The following HHATL variants were observed in gnomAD, a reference collection of about 807,000 sequenced individuals.
HHATL encodes the protein protein-cysteine N-palmitoyltransferase HHAT-like protein.
Under a neutral mutation model 59.7 loss-of-function variants are expected in HHATL, and 49 were observed. The ratio of observed to expected loss-of-function variants is 0.82; its 90% CI spans 0.65 to 1.04. The LOEUF (loss-of-function observed/expected upper bound fraction) is 1.04, where lower values mean the gene tolerates loss of function less well. HHATL is among the 50% of genes least tolerant of loss of function. The pLI is 0.00. For missense variants in HHATL, 605 were observed against 650.8 expected, an observed-to-expected ratio of 0.93 and a Z score of 0.77; for synonymous variants, 238 against 257.3, an observed-to-expected ratio of 0.93 and a Z score of 0.72.
rs1441674848 is a variant in HHATL at position 42,696,980 on chromosome 3, C to T, written c.1010+21G>A. The T allele has an allele frequency of 1.2e-6, 2 of 1,611,282 alleles. 1 individual carries two copies. Among genetic ancestry groups the T allele is most frequent in the South Asian group, 2.2e-5 (2 of 90,646 alleles). ...GTGTGGTCCCAGGGGGTGAGCCTCC[C>T]CCGTCCTGGCCAGCACTCACGTTTC... On this transcript the variant is annotated intron_variant, in intron 8 of 11. Coordinates refer to ENST00000441594, the MANE Select transcript of HHATL (RefSeq NM_020707.4).
intron 7 of HHATL, 144 bp from the exon 8 acceptor site, chr3:42,697,289 C>G (rs769352808): frequency 1.3e-5 from 15 of 1,182,200 alleles, no homozygotes; most frequent in Non-Finnish European, 1.8e-5. Flanking sequence ...ATCAGTCATG[C>G]CTGGTGAAGT....
At position 42,698,150 on chromosome 3, in the gene HHATL, G is replaced by A. The variant is rs776663186; in HGVS notation, c.685C>T (p.His229Tyr). Residue 229 changes from histidine (H) to tyrosine (Y), a missense_variant, in exon 6 of 12, where the codon CAT becomes TAT. By Grantham distance (83) the His-to-Tyr change is moderately conservative. Coordinates refer to ENST00000441594, the MANE Select transcript of HHATL (RefSeq NM_020707.4). ...FGPIMTFDRF[H>Y]AQVSQVEPVR... is the part of the protein sequence containing the mutation. The stretch of plus-strand genomic sequence containing the variant: ...ACAGGGTGTCCCCTCACCTGAGCAT[G>A]GAAGCGATCAAAGGTCATGATGGGC... 32 of 1,614,006 alleles carry A rather than the reference G, an allele frequency of 2.0e-5. No homozygotes were observed. Among genetic ancestry groups the A allele is most frequent in the Non-Finnish European group, 2.6e-5 (31 of 1,179,968 alleles).
Position 42,698,763 on chromosome 3 carries a change from C to T in HHATL, c.428G>A (p.Gly143Asp). The change falls in exon 5 of 12, where the codon GGC (glycine) becomes GAC (aspartate). Residue 143 changes from glycine (G) to aspartate (D), a missense_variant. Gly to Asp is a moderately conservative substitution (Grantham distance 94). Coordinates refer to ENST00000441594, the MANE Select transcript of HHATL (RefSeq NM_020707.4). ...SLLGQPWLCL[G>D]LGLASLASFK... is the part of the protein sequence containing the mutation. ...GGAGGCCAGGCTGGCCAAGCCAAGG[C>T]CAAGACAGAGCCAGGGCTGGCCCAA... 6.2e-7 allele frequency: 1 copy of T among 1,608,418 alleles called. No homozygotes were observed. Among genetic ancestry groups the T allele is most frequent in the Non-Finnish European group, 8.5e-7 (1 of 1,177,948 alleles).
Position 42,698,749 on chromosome 3 carries a change from TGGCCAAGCCAA to T in HHATL, c.431_441del (p.Leu144GlnfsTer23). 1 of 1,598,842 alleles carries T rather than the reference TGGCCAAGCCAA, an allele frequency of 6.3e-7. No homozygotes were observed. The highest frequency in any genetic ancestry group is 8.5e-7 in the Non-Finnish European group (1 of 1,174,674). ...GGGTCCATCTTGAAGGAGGCCAGGC[TGGCCAAGCCAA>T]GGCCAAGACAGAGCCAGGGCTGGCC... On this transcript the variant is annotated frameshift_variant, in exon 5 of 12. Coordinates refer to ENST00000441594, the MANE Select transcript of HHATL (RefSeq NM_020707.4). LOFTEE classifies it high-confidence loss of function.
At chr3:42,693,508 G>A (rs1697446799) in intron 10 of HHATL, 109 bp downstream of exon 10, 3 of 975,570 alleles carry the variant, frequency 3.1e-6, no homozygotes, top group Non-Finnish European at 4.6e-6. Flanking sequence ...GGGTGGTGGT[G>A]AGAAAGTTCT....
At position 42,692,758 on chromosome 3, in the gene HHATL, G is replaced by C; in HGVS notation, c.1508C>G (p.Pro503Arg). 1 of 1,614,148 alleles carries C rather than the reference G, an allele frequency of 6.2e-7. No homozygotes were observed. The highest frequency in any genetic ancestry group is 1.1e-5 in the South Asian group (1 of 91,080). Residue 503 changes from proline (P) to arginine (R), a missense_variant, in exon 12 of 12, where the codon CCG (proline) becomes CGG (arginine). Physicochemically the swap from Pro to Arg is moderately radical, Grantham distance 103. Coordinates refer to ENST00000441594, the MANE Select transcript of HHATL (RefSeq NM_020707.4). ...CCCTCTACCCGCTCCCTCCTACTCC[G>C]GCTTCTCTTTGTCCTGCTTCTGCTC... ...EEEQKQDKEK[P>R]E is the part of the protein sequence containing the mutation.
chr3:42,693,088 A>C lies in HHATL; in HGVS notation c.1379T>G (p.Leu460Arg). The C allele has an allele frequency of 6.2e-7, 1 of 1,614,140 alleles. No individual in the cohort carries two copies. The highest frequency in any genetic ancestry group is 1.6e-4 in the Middle Eastern group (1 of 6,062). The stretch of plus-strand genomic sequence containing the variant: ...CCCCTGTCCCTCACCTGTGAGTAGC[A>C]GGCGCCGGGCAACCAGCTCTGTGAA... Reference protein sequence around the residue: ...LKFTELVARRLLLTGFPQTTL... With the variant: ...LKFTELVARRRLLTGFPQTTL... The change falls in exon 11 of 12, where the codon CTG (leucine) becomes CGG (arginine). Residue 460 changes from leucine (L) to arginine (R), a missense_variant. By Grantham distance (102) the Leu-to-Arg change is moderately radical. Coordinates refer to ENST00000441594, the MANE Select transcript of HHATL (RefSeq NM_020707.4).
intron 9 of HHATL, chr3:42,694,044 T>G (rs1575228204): frequency 5.2e-6 from 3 of 575,718 alleles, no homozygotes; most frequent in Non-Finnish European, 9.3e-6. Flanking sequence ...CCAAATGATC[T>G]CATCCAGACC....
chr3:42,697,110 C>T lies in HHATL; in HGVS notation c.901G>A (p.Val301Met). ...ACACCAAAGAGGACGGCCGCCTTCA[C>T]CCAGTCATACACCAGGTTTGAATAG... ...LAYSNLVYDWVKAAVLFGVVN... is the reference protein window; with the variant it reads ...LAYSNLVYDWMKAAVLFGVVN... Residue 301 changes from valine to methionine, a missense_variant, in exon 8 of 12, where the codon GTG becomes ATG. Physicochemically the swap from Val to Met is conservative, Grantham distance 21 (BLOSUM62 1). Coordinates refer to ENST00000441594, the MANE Select transcript of HHATL (RefSeq NM_020707.4). The T allele has an allele frequency of 2.6e-6, 4 of 1,555,556 alleles. No individual in the cohort carries two copies. Among genetic ancestry groups the T allele is most frequent in the Non-Finnish European group, 3.5e-6 (4 of 1,149,334 alleles).
intron 2 of HHATL, among the ~76,000 whole-genome samples, chr3:42,700,484 G>A (rs1284081224): frequency 6.6e-6 from 1 of 151,938 alleles, no homozygotes; most frequent in African/African-American, 2.4e-5. Flanking sequence ...GTGACTCTGT[G>A]TCCATCTCTC....
chr3:42,698,562 C>A, intron 5 of HHATL, 146 bp downstream of exon 5: 2 of 1,066,944 alleles, frequency 1.9e-6, no homozygotes, highest in South Asian at 1.6e-5. Context: ...CAGGTGCTCA[C>A]CTTGTGGCCA....
chr3:42,693,593 C>A, intron 10 of HHATL, 24 bp downstream of exon 10: 2 of 1,607,762 alleles, frequency 1.2e-6, no homozygotes, highest in South Asian at 2.2e-5. Flanking sequence ...CAGCCAGTCC[C>A]AGCCCCAGGT....
intron 9 of HHATL, among the ~76,000 whole-genome samples, chr3:42,695,481 C>T (rs1697566939): frequency 6.6e-6 from 1 of 152,192 alleles, no homozygotes; most frequent in Non-Finnish European, 1.5e-5. Context: ...AGCCCACCAC[C>T]TCCAATACCA....
At chr3:42,697,903 T>C (rs994080849) in intron 6 of HHATL, among the ~76,000 whole-genome samples, 4 of 152,106 alleles carry the variant, frequency 2.6e-5, no homozygotes, top group African/African-American at 9.7e-5. Context: ...GAAGGGAACA[T>C]TCGTGGCCTG....
At chr3:42,694,635 C>T (rs1339277268) in intron 9 of HHATL, among the ~76,000 whole-genome samples, 1 of 152,212 alleles carries the variant, frequency 6.6e-6, no homozygotes, top group Admixed American at 6.5e-5. Flanking sequence ...CCACCATGCT[C>T]CCCCAGTTCA....
At chr3:42,695,404 C>T (rs1697562563) in intron 9 of HHATL, among the ~76,000 whole-genome samples, 1 of 152,216 alleles carries the variant, frequency 6.6e-6, no homozygotes, top group Non-Finnish European at 1.5e-5. Context: ...TTACTTTCTC[C>T]TCAGCTACAC....
intron 5 of HHATL, 107 bp downstream of exon 5, chr3:42,698,601 G>T: frequency 7.5e-7 from 1 of 1,339,672 alleles, no homozygotes; most frequent in Non-Finnish European, 1.0e-6. Flanking sequence ...GAAGACAGGT[G>T]GAAAGTGAAG....
chr3:42,699,610 AG>A, intron 3 of HHATL, 147 bp downstream of exon 3: 1 of 658,832 alleles, frequency 1.5e-6, no homozygotes, highest in South Asian at 1.9e-5. Flanking sequence ...AGGATACAGG[AG>A]GGGCCAGTAA....
rs1041500739 is a variant in HHATL at position 42,701,740 on chromosome 3, C to T, written c.-14+839G>A. On this transcript the variant is annotated intron_variant, in intron 1 of 11. Coordinates refer to ENST00000441594, the MANE Select transcript of HHATL (RefSeq NM_020707.4). The surrounding 1 kb of genome is among the most constrained non-coding windows in gnomAD (Gnocchi z 5.1). ...CTACGGCTCAGCTAGCACCTTTACC[C>T]TTCCTATCCCGCTTCAGCCTGGCTC... Among the ~76,000 whole-genome samples, 7 of 152,242 alleles carry T rather than the reference C, an allele frequency of 4.6e-5. No homozygotes were observed. The highest frequency in any genetic ancestry group is 1.7e-4 in the African/African-American group (7 of 41,468).
Sources: allele counts gnomAD v4.1 joint callset (sites outside exome capture counted in the v4.1 genomes callset), GRCh38; gene constraint gnomAD v4.1.1; non-coding constraint Gnocchi (gnomAD v3.1); transcripts MANE v1.5; gene names NCBI Gene and HGNC (gene_info 2026-07-23, HGNC 2026-07-21).